Variants in ABTB2 observed in about 807,000 individuals in gnomAD.
ABTB2 encodes ankyrin repeat and BTB/POZ domain-containing protein 2.
In ABTB2, 56 loss-of-function variants were observed where a neutral mutation model predicts 104.1. That is an observed-to-expected ratio of 0.54 (90% CI 0.43 to 0.67). The LOEUF (loss-of-function observed/expected upper bound fraction) is 0.67. ABTB2 is among the 30% of genes least tolerant of loss of function. The pLI is 0.00. For synonymous variants in ABTB2, 606 were observed against 608.2 expected (o/e 1.00, Z 0.05); for missense variants, 1,279 against 1,407.7 (o/e 0.91, Z 1.46).
intron 1 of ABTB2, among the ~76,000 whole-genome samples, chr11:34,326,569 G>A (rs1855072830): frequency 6.6e-6 from 1 of 151,440 alleles, no homozygotes; most frequent in Non-Finnish European, 1.5e-5. Flanking sequence ...GGCAGAGGTT[G>A]CAGTGAGCCG....
chr11:34,320,599 G>T (rs1479924304), intron 1 of ABTB2, among the ~76,000 whole-genome samples: 1 of 152,148 alleles, frequency 6.6e-6, no homozygotes, highest in Non-Finnish European at 1.5e-5. Context: ...GGTGCCATTG[G>T]GTGGGCTGGC....
intron 1 of ABTB2, among the ~76,000 whole-genome samples, chr11:34,220,983 T>C (rs76537561): frequency 1.3e-5 from 2 of 151,610 alleles, no homozygotes; most frequent in Non-Finnish European, 2.9e-5. Context: ...TTTTTTTTTT[T>C]CTTTGAGAAG....
Position 34,152,598 on chromosome 11 carries a change from AGAG to A in ABTB2, c.2881-17_2881-15del. 3 of 1,610,410 alleles carry A rather than the reference AGAG, an allele frequency of 1.9e-6. No homozygotes were observed. The Middle Eastern group carries it at 5.0e-4, about 270-fold the overall frequency. On this transcript the variant is annotated splice_polypyrimidine_tract_variant and intron_variant, in intron 16 of 16. Coordinates refer to ENST00000435224, the MANE Select transcript of ABTB2 (RefSeq NM_145804.3). The stretch of plus-strand genomic sequence containing the variant: ...GGCATTGTGGATCTGTAGGGCAGAG[AGAG>A]GAGGGGTGAAGCCCATCGCCTTAGT...
At chr11:34,275,959 G>A (rs1362880667) in intron 1 of ABTB2, among the ~76,000 whole-genome samples, 2 of 152,132 alleles carry the variant, frequency 1.3e-5, no homozygotes, top group African/African-American at 2.4e-5. Flanking sequence ...ATTGCTAGAC[G>A]GTAGAGAGGC....
chr11:34,284,307 G>A (rs371252648), intron 1 of ABTB2, among the ~76,000 whole-genome samples: 2 of 152,182 alleles, frequency 1.3e-5, no homozygotes, highest in Non-Finnish European at 2.9e-5. Context: ...TGATTAATGA[G>A]CAAATGACCC....
chr11:34,152,400 G>GTGA lies in ABTB2; in HGVS notation c.3062_3064dup (p.Ile1021dup). 1.3e-6 allele frequency: 2 copies of GTGA among 1,570,950 alleles called. No homozygotes were observed. Among genetic ancestry groups the GTGA allele is most frequent in the Non-Finnish European group, 1.7e-6 (2 of 1,159,188 alleles). On this transcript the variant is annotated inframe_insertion, in exon 17 of 17. Coordinates refer to ENST00000435224, the MANE Select transcript of ABTB2 (RefSeq NM_145804.3). ...CCGCCCCCTGCCTCACACCCGGGAGGTGATGTAGACAGAGTGCACGCGCTC... is the reference window on the plus strand; with the variant it reads ...CCGCCCCCTGCCTCACACCCGGGAGGTGATGATGTAGACAGAGTGCACGCGCTC...
chr11:34,278,103 C>G (rs1249374009), intron 1 of ABTB2, among the ~76,000 whole-genome samples: 1 of 151,800 alleles, frequency 6.6e-6, no homozygotes, highest in Non-Finnish European at 1.5e-5. Context: ...GCGCCTGGCT[C>G]AGATTCTCCT....
Position 34,253,099 on chromosome 11 carries a change from C to T in ABTB2, c.884-48409G>A, listed in dbSNP as rs73495561. Among the ~76,000 whole-genome samples, 146 of 152,326 alleles carry T rather than the reference C, an allele frequency of 9.6e-4. 1 individual carries two copies. The highest frequency in any genetic ancestry group is 3.4e-3 in the African/African-American group (141 of 41,564). On this transcript the variant is annotated intron_variant, in intron 1 of 16. Transcript: ENST00000435224. ...AGGATGGCAAGGCTGCTCTATGCCA[C>T]ACCAGAAGCCCCAGCTCCTCCAGGT... is the stretch of plus-strand genomic sequence containing the variant.
At chr11:34,247,313 CTT>C (rs2133066829) in intron 1 of ABTB2, among the ~76,000 whole-genome samples, 1 of 152,366 alleles carries the variant, frequency 6.6e-6, no homozygotes, top group East Asian at 1.9e-4. Context: ...TGGTCCCTGA[CTT>C]ATGATGTTTG....
At chr11:34,177,303 A>G (rs1460584146) in intron 3 of ABTB2, among the ~76,000 whole-genome samples, 1 of 152,200 alleles carries the variant, frequency 6.6e-6, no homozygotes, top group African/African-American at 2.4e-5. Flanking sequence ...TGCAGTATTG[A>G]TAGTCCTGGT....
intron 7 of ABTB2, among the ~76,000 whole-genome samples, chr11:34,166,540 G>GC (rs1213715263): frequency 6.6e-6 from 1 of 152,260 alleles, no homozygotes; most frequent in Non-Finnish European, 1.5e-5. Flanking sequence ...CTGTGAATCA[G>GC]CCAGACACAA....
chr11:34,179,315 G>A (rs1852995774), intron 3 of ABTB2, among the ~76,000 whole-genome samples: 1 of 152,144 alleles, frequency 6.6e-6, no homozygotes, highest in Non-Finnish European at 1.5e-5. Flanking sequence ...ATAACTTCTT[G>A]TTATGAAAAT....
chr11:34,160,845 T>G, intron 11 of ABTB2, 58 bp downstream of exon 11: 1 of 1,525,510 alleles, frequency 6.6e-7, no homozygotes, highest in Non-Finnish European at 8.9e-7. Context: ...TCCATCTGTG[T>G]GTCCCGTGGT....
intron 1 of ABTB2, among the ~76,000 whole-genome samples, chr11:34,320,275 T>C (rs535924076): frequency 2.6e-4 from 40 of 152,322 alleles, no homozygotes; most frequent in African/African-American, 8.7e-4. Flanking sequence ...TGGAAGGCAC[T>C]CAGGTTTTGA....
chr11:34,317,594 A>G (rs916539868), intron 1 of ABTB2, among the ~76,000 whole-genome samples: 1 of 151,816 alleles, frequency 6.6e-6, no homozygotes, highest in African/African-American at 2.4e-5. Flanking sequence ...GTAACATGAC[A>G]AGACTCCATC....
intron 1 of ABTB2, among the ~76,000 whole-genome samples, chr11:34,257,007 C>T (rs1854131533): frequency 6.6e-6 from 1 of 152,178 alleles, no homozygotes; most frequent in Non-Finnish European, 1.5e-5. Flanking sequence ...TAGTCAAATG[C>T]CTTCTGAGCA....
chr11:34,274,564 C>T (rs909478050), intron 1 of ABTB2, among the ~76,000 whole-genome samples: 1 of 150,978 alleles, frequency 6.6e-6, no homozygotes, highest in South Asian at 2.1e-4. Context: ...GGAATATACA[C>T]ACACACACAC....
intron 1 of ABTB2, among the ~76,000 whole-genome samples, chr11:34,282,783 C>T (rs186104864): frequency 2.6e-5 from 4 of 152,212 alleles, no homozygotes; most frequent in South Asian, 4.1e-4. Flanking sequence ...TCGCCCACCT[C>T]GGCCTCCCAA....
intron 1 of ABTB2, among the ~76,000 whole-genome samples, chr11:34,229,420 G>A (rs889606121): frequency 3.4e-4 from 51 of 150,920 alleles, no homozygotes; most frequent in African/African-American, 1.2e-3. Flanking sequence ...GGTGGAGCTT[G>A]CAGTGAGCAG....
Sources: allele counts gnomAD v4.1 joint callset (sites outside exome capture counted in the v4.1 genomes callset), GRCh38; gene constraint gnomAD v4.1.1; transcripts MANE v1.5; gene names NCBI Gene and HGNC (gene_info 2026-07-23, HGNC 2026-07-21).